Variants in CCDC178 observed in about 807,000 individuals in gnomAD.
The protein encoded by CCDC178 is coiled-coil domain containing 178.
Under a neutral mutation model 117.4 loss-of-function variants are expected in CCDC178, and 126 were observed. The observed-to-expected ratio is 1.07, with a 90% CI of 0.93 to 1.24. CCDC178 has a LOEUF of 1.24. CCDC178 is among the 50% of genes most tolerant of loss of function. CCDC178 has a pLI of 0.00. For synonymous variants in CCDC178, 283 were observed against 313.4 expected, an observed-to-expected ratio of 0.90 and a Z score of 1.02; for missense variants, 1,030 against 986.9, an observed-to-expected ratio of 1.04 and a Z score of -0.59.
intron 21 of CCDC178, among the ~76,000 whole-genome samples, chr18:32,994,369 C>A (rs571869304): frequency 1.3e-5 from 2 of 152,232 alleles, no homozygotes; most frequent in South Asian, 4.2e-4. Context: ...AAAGTCAAAA[C>A]ACCAAAAACT....
chr18:33,003,137 G>GA (rs2055675830), intron 21 of CCDC178, among the ~76,000 whole-genome samples: 2 of 152,030 alleles, frequency 1.3e-5, no homozygotes, highest in African/African-American at 4.8e-5. Flanking sequence ...AAACTATTCT[G>GA]AAAAATAGAG....
At chr18:32,986,813 A>G (rs945235072) in intron 21 of CCDC178, among the ~76,000 whole-genome samples, 1 of 152,108 alleles carries the variant, frequency 6.6e-6, no homozygotes, top group East Asian at 1.9e-4. Flanking sequence ...AAAATGTTTT[A>G]TAACAATATT....
chr18:33,385,032 A>C (rs557213434), intron 5 of CCDC178, among the ~76,000 whole-genome samples: 14 of 152,336 alleles, frequency 9.2e-5, no homozygotes, highest in Admixed American at 8.5e-4. Flanking sequence ...TTACCAAGCA[A>C]ATTTGAAAGC....
chr18:33,438,016 T>C (rs2064315356), intron 2 of CCDC178, among the ~76,000 whole-genome samples: 1 of 152,190 alleles, frequency 6.6e-6, no homozygotes. Flanking sequence ...TGAATTTTTA[T>C]GAACATTGAC....
At chr18:33,266,046 T>C (rs982604364) in intron 14 of CCDC178, among the ~76,000 whole-genome samples, 1 of 151,796 alleles carries the variant, frequency 6.6e-6, no homozygotes, top group Non-Finnish European at 1.5e-5. Context: ...AAATTGAGAG[T>C]GGACTGAAGG....
intron 20 of CCDC178, among the ~76,000 whole-genome samples, chr18:33,093,798 A>G (rs2057502863): frequency 6.6e-6 from 1 of 152,020 alleles, no homozygotes; most frequent in Admixed American, 6.6e-5. Context: ...TTGGGAATCT[A>G]TCCTAAGCAA....
At chr18:33,231,144 A>G (rs1330870811) in intron 15 of CCDC178, among the ~76,000 whole-genome samples, 4 of 152,226 alleles carry the variant, frequency 2.6e-5, no homozygotes, top group Admixed American at 6.5e-5. Context: ...ATCAAACTTA[A>G]TATCACTGAT....
At position 33,366,823 on chromosome 18, in the gene CCDC178, G is replaced by A. The variant is rs943197200; in HGVS notation, c.348+3227C>T. Reference sequence around the variant, plus strand: ...CTGTTGTTCTCCCAGCACCAGATACGTTATCAGACGGGCCTGGGACTGTAG... The same window carrying A: ...CTGTTGTTCTCCCAGCACCAGATACATTATCAGACGGGCCTGGGACTGTAG... On this transcript the variant is annotated intron_variant, in intron 6 of 22. Transcript: ENST00000383096. Among the ~76,000 whole-genome samples the A allele has an allele frequency of 1.6e-4, 25 of 152,066 alleles. 2 individuals are homozygous for A. In the Middle Eastern group the frequency reaches 0.014, roughly 83 times the overall value.
chr18:33,189,945 G>A (rs932433313), intron 20 of CCDC178, among the ~76,000 whole-genome samples: 1 of 152,092 alleles, frequency 6.6e-6, no homozygotes, highest in African/African-American at 2.4e-5. Flanking sequence ...AGATAGATAC[G>A]GAGATACCCA....
chr18:33,067,180 T>C (rs1459830416), intron 21 of CCDC178, among the ~76,000 whole-genome samples: 1 of 152,096 alleles, frequency 6.6e-6, no homozygotes, highest in Non-Finnish European at 1.5e-5. Context: ...GAAATAAAAC[T>C]AGAAATCAAC....
At chr18:33,347,069 AT>A (rs897010766) in intron 8 of CCDC178, among the ~76,000 whole-genome samples, 69 of 152,214 alleles carry the variant, frequency 4.5e-4, no homozygotes, top group African/African-American at 1.6e-3. Context: ...TGTAGAGCCC[AT>A]TACGTTCCGG....
chr18:33,082,725 A>G (rs924589933), intron 21 of CCDC178, among the ~76,000 whole-genome samples: 1 of 151,744 alleles, frequency 6.6e-6, no homozygotes. Context: ...AAAGTATAAT[A>G]AAAATATATA....
chr18:33,388,730 G>A (rs947339788), intron 5 of CCDC178, among the ~76,000 whole-genome samples: 19 of 150,620 alleles, frequency 1.3e-4, no homozygotes, highest in East Asian at 2.0e-4. Flanking sequence ...CGTTTTAGCC[G>A]GGATGGTCTC....
intron 21 of CCDC178, among the ~76,000 whole-genome samples, chr18:33,056,381 T>C (rs560293815): frequency 2.0e-4 from 30 of 152,348 alleles, no homozygotes; most frequent in Middle Eastern, 3.4e-3. Context: ...TCATCAAATA[T>C]GGTTTCAAGC....
At chr18:33,024,272 T>G (rs1450326374) in intron 21 of CCDC178, among the ~76,000 whole-genome samples, 11 of 152,196 alleles carry the variant, frequency 7.2e-5, no homozygotes, top group Non-Finnish European at 1.5e-4. Flanking sequence ...AAACTATTTT[T>G]TTGTCACAGT....
chr18:33,352,157 T>C (rs1406078919), intron 7 of CCDC178, among the ~76,000 whole-genome samples: 1 of 152,184 alleles, frequency 6.6e-6, no homozygotes, highest in African/African-American at 2.4e-5. Flanking sequence ...TAGTAGTTTA[T>C]GTGTTTTTAA....
chr18:33,149,772 C>G (rs1386852422), intron 20 of CCDC178, among the ~76,000 whole-genome samples: 1 of 152,094 alleles, frequency 6.6e-6, no homozygotes. Context: ...GAAAATTAAA[C>G]ACTATGTATT....
chr18:33,107,257 G>A (rs1567992562), intron 20 of CCDC178, among the ~76,000 whole-genome samples: 1 of 151,626 alleles, frequency 6.6e-6, no homozygotes, highest in Non-Finnish European at 1.5e-5. Context: ...ATATTATAGA[G>A]AAACAAGCAT....
intron 21 of CCDC178, among the ~76,000 whole-genome samples, chr18:33,089,554 T>G (rs2057431664): frequency 1.3e-5 from 2 of 152,166 alleles, no homozygotes; most frequent in Admixed American, 1.3e-4. Flanking sequence ...TTGAAAGCAC[T>G]GAGATTTGTA....
Sources: allele counts gnomAD v4.1 joint callset (sites outside exome capture counted in the v4.1 genomes callset), GRCh38; gene constraint gnomAD v4.1.1; transcripts MANE v1.5; gene names NCBI Gene and HGNC (gene_info 2026-07-23, HGNC 2026-07-21).